The following LAT2 variants were observed in gnomAD, a reference collection of about 807,000 sequenced individuals.
LAT2 encodes linker for activation of T cells family member 2, also known as linker for activation of T-cells family member 2.
In LAT2, 23 loss-of-function variants were observed where a neutral mutation model predicts 43.4. The ratio of observed to expected loss-of-function variants is 0.53; its 90% CI spans 0.38 to 0.75. The LOEUF (loss-of-function observed/expected upper bound fraction) is 0.75. Ranked by LOEUF, LAT2 falls within the 30% of genes least tolerant of loss-of-function variation. LAT2 has a pLI of 0.00. For missense variants in LAT2, 284 were observed against 310.2 expected, an observed-to-expected ratio of 0.92 and a Z score of 0.64; for synonymous variants, 128 against 123.2, an observed-to-expected ratio of 1.04 and a Z score of -0.26.
chr7:74,220,203 C>T lies in LAT2; in HGVS notation c.228-14C>T. On this transcript the variant is annotated splice_polypyrimidine_tract_variant and intron_variant, in intron 6 of 13. Coordinates refer to ENST00000460943, the MANE Select transcript of LAT2 (RefSeq NM_032464.3). The surrounding 1 kb of genome is among the most constrained non-coding windows in gnomAD (Gnocchi z 4.5). ...CAGCCCCTCCTTTAACTCCCTCCTTCCCCCTCCCTGCAGGAAGGACAAGCT... is the reference window on the plus strand; with the variant it reads ...CAGCCCCTCCTTTAACTCCCTCCTTTCCCCTCCCTGCAGGAAGGACAAGCT... 2.5e-6 allele frequency: 4 copies of T among 1,603,424 alleles called. No individual in the cohort carries two copies. The highest frequency in any genetic ancestry group is 3.4e-6 in the Non-Finnish European group (4 of 1,173,844).
intron 1 of LAT2, among the ~76,000 whole-genome samples, chr7:74,210,866 C>T (rs1428795066): frequency 6.6e-6 from 1 of 152,146 alleles, no homozygotes; most frequent in East Asian, 1.9e-4. Flanking sequence ...GTGGATAAAG[C>T]CATCCAGGGC....
intron 1 of LAT2, among the ~76,000 whole-genome samples, chr7:74,211,695 G>T (rs189655343): frequency 1.3e-3 from 201 of 152,188 alleles, no homozygotes; most frequent in Non-Finnish European, 2.6e-3. Flanking sequence ...CTGACTTTGT[G>T]ATCTGCCTGC....
rs376385658 is a variant in LAT2 at position 74,222,810 on chromosome 7, G to C, written c.389-914G>C. Among the ~76,000 whole-genome samples the C allele has an allele frequency of 2.6e-5, 4 of 152,178 alleles. No homozygotes were observed. The East Asian group carries it at 7.8e-4, about 30-fold the overall frequency. On this transcript the variant is annotated intron_variant, in intron 10 of 13. Coordinates refer to ENST00000460943, the MANE Select transcript of LAT2 (RefSeq NM_032464.3). ...GGCTGGTCTTGAACTCCTGACCTCA[G>C]GTGATCCGCCCGCCTTGGCCTCCCA...
chr7:74,213,145 G>A (rs1801787379), intron 1 of LAT2, among the ~76,000 whole-genome samples: 1 of 151,950 alleles, frequency 6.6e-6, no homozygotes, highest in Non-Finnish European at 1.5e-5. Context: ...ATAGAGTTTC[G>A]CTCTTGTTGC....
intron 5 of LAT2, 63 bp downstream of exon 5, chr7:74,219,850 G>A: frequency 1.1e-5 from 18 of 1,611,720 alleles, no homozygotes; most frequent in African/African-American, 1.3e-5. Context: ...AAGTTATCTC[G>A]GTCCCCATTG....
At chr7:74,217,100 C>A (rs1584215488) in intron 4 of LAT2, among the ~76,000 whole-genome samples, 1 of 152,116 alleles carries the variant, frequency 6.6e-6, no homozygotes, top group African/African-American at 2.4e-5. Flanking sequence ...GGCTGTGGGG[C>A]TAGCCACTCT....
intron 3 of LAT2, among the ~76,000 whole-genome samples, 168 bp downstream of exon 3, chr7:74,216,237 G>A (rs1347604120): frequency 2.6e-5 from 4 of 152,064 alleles, no homozygotes; most frequent in South Asian, 4.1e-4. Context: ...AGGTGCACCC[G>A]AGGGCTTTGG....
At chr7:74,213,855 G>A (rs949499392) in intron 1 of LAT2, among the ~76,000 whole-genome samples, 2 of 151,510 alleles carry the variant, frequency 1.3e-5, no homozygotes, top group Non-Finnish European at 2.9e-5. Flanking sequence ...GGACACTCGG[G>A]AGTGTTGGCT....
rs183576793 is a variant in LAT2, at chr7:74,214,874, C to G, written c.-166C>G. 1 of 138,346 alleles carries G rather than the reference C, an allele frequency of 7.2e-6. No individual in the cohort carries two copies. Among genetic ancestry groups the G allele is most frequent in the Non-Finnish European group, 1.5e-5 (1 of 66,036 alleles). The allele number at this position is 138,346 out of a possible 1,614,324, so 8.6% of individuals were successfully genotyped here. A position where few individuals can be genotyped will look rare whatever the true frequency, so the allele number is the denominator to read the frequency against. On this transcript the variant is annotated 5_prime_UTR_variant, in exon 2 of 14. Transcript: ENST00000460943. ...CTGGTCTGGAGCTCTTGATCTCAAG[C>G]GATCCTCCCTGCCTCGGCCTCCCAA...
intron 3 of LAT2, 108 bp from the exon 4 acceptor site, chr7:74,216,717 C>T (rs1302655332): frequency 8.1e-6 from 7 of 866,340 alleles, no homozygotes; most frequent in East Asian, 2.6e-5. Context: ...ACAGTTTGGC[C>T]CCCAAGTCCT....
chr7:74,225,386 T>C (rs112807871), intron 13 of LAT2: 2 of 152,084 alleles, frequency 1.3e-5, no homozygotes, highest in South Asian at 4.1e-4. Flanking sequence ...CGAGACTCCG[T>C]CTCAATAAAT....
chr7:74,228,666 G>A (rs1430338142), intron 13 of LAT2, among the ~76,000 whole-genome samples: 6 of 149,986 alleles, frequency 4.0e-5, no homozygotes, highest in South Asian at 2.1e-4. Context: ...GCGTGGTGGC[G>A]TAGTCCCAGC....
In LAT2 at chr7:74,220,720, G is replaced by A. The variant is rs200881614; in HGVS notation, c.318G>A (p.Ser106=). 67 of 1,604,290 alleles carry A rather than the reference G, an allele frequency of 4.2e-5. No individual in the cohort carries two copies. The East Asian group carries it at 7.8e-4, about 19-fold the overall frequency. The change falls in exon 9 of 14, where the codon TCG becomes TCA. Residue 106 remains serine (S), a synonymous_variant. Coordinates refer to ENST00000460943, the MANE Select transcript of LAT2 (RefSeq NM_032464.3). The surrounding 1 kb of genome is among the most constrained non-coding windows in gnomAD (Gnocchi z 4.5). ...CTCCCGCAGGAAGCAGACACGGGTC[G>A]GAGGAAGCCTACATGTGAGTGACCT... ...QNFSKGSRHG[S]EEAYIDPIAM... is the part of the protein sequence containing the mutation.
At chr7:74,221,783 T>G (rs546070012) in intron 10 of LAT2, 91 bp downstream of exon 10, 4 of 1,040,978 alleles carry the variant, frequency 3.8e-6, no homozygotes, top group South Asian at 1.6e-5. Context: ...AGGCTGGGCC[T>G]GGGTTCGGGT....
chr7:74,213,144 C>T (rs1027302712), intron 1 of LAT2, among the ~76,000 whole-genome samples: 4 of 152,012 alleles, frequency 2.6e-5, no homozygotes, highest in Admixed American at 6.6e-5. Flanking sequence ...GATAGAGTTT[C>T]GCTCTTGTTG....
intron 10 of LAT2, 22 bp downstream of exon 10, chr7:74,221,714 G>GT: frequency 6.2e-7 from 1 of 1,606,834 alleles, no homozygotes; most frequent in African/African-American, 1.3e-5. Flanking sequence ...GACAAAGCCG[G>GT]AGGTGGAGGA....
chr7:74,214,075 T>A (rs1178703999), intron 1 of LAT2, among the ~76,000 whole-genome samples: 91 of 124,530 alleles, frequency 7.3e-4, no homozygotes, highest in African/African-American at 2.8e-3. Flanking sequence ...TATATATAAA[T>A]ATATATATAT....
intron 1 of LAT2, among the ~76,000 whole-genome samples, chr7:74,211,000 T>A (rs1164255262): frequency 1.3e-5 from 2 of 151,420 alleles, no homozygotes; most frequent in African/African-American, 4.9e-5. Flanking sequence ...ACACTGTAGC[T>A]CCTCCAGCCC....
At chr7:74,227,055 CTT>C (rs35992128) in intron 13 of LAT2, among the ~76,000 whole-genome samples, 157 of 133,802 alleles carry the variant, frequency 1.2e-3, no homozygotes, top group African/African-American at 2.5e-3. Flanking sequence ...GTTGTTTTTT[CTT>C]TTTTTTTTTT....
Sources: gnomAD v4.1 joint callset for allele counts (sites outside exome capture counted in the v4.1 genomes callset) on GRCh38, gnomAD v4.1.1 for gene constraint, Gnocchi (gnomAD v3.1) non-coding constraint, MANE v1.5 for transcripts, NCBI Gene and HGNC (gene_info 2026-07-23, HGNC 2026-07-21) for gene names.